The following CAPN13 variants were observed in gnomAD, a reference collection of about 807,000 sequenced individuals.
CAPN13 encodes calpain-13.
Under a neutral mutation model 98.4 loss-of-function variants are expected in CAPN13, and 90 were observed. The ratio of observed to expected loss-of-function variants is 0.92; its 90% confidence interval spans 0.77 to 1.09. The LOEUF (loss-of-function observed/expected upper bound fraction) is 1.09, where lower values mean the gene tolerates loss of function less well. CAPN13 is among the 50% of genes least tolerant of loss of function. The pLI, the probability that CAPN13 is intolerant of heterozygous loss-of-function variation, is 0.00. For missense variants in CAPN13, 887 were observed against 841.3 expected, an observed-to-expected ratio of 1.05 and a Z score of -0.67; for synonymous variants, 330 against 305.5, an observed-to-expected ratio of 1.08 and a Z score of -0.84.
intron 9 of CAPN13, among the ~76,000 whole-genome samples, chr2:30,753,594 C>A (rs1311756407): frequency 1.3e-5 from 2 of 150,890 alleles, no homozygotes; most frequent in Admixed American, 6.7e-5. Flanking sequence ...TCTTTATCAG[C>A]CTAAAATGGA....
intron 9 of CAPN13, among the ~76,000 whole-genome samples, chr2:30,753,788 G>A (rs1004506749): frequency 6.6e-6 from 1 of 152,202 alleles, no homozygotes; most frequent in East Asian, 1.9e-4. Flanking sequence ...GAATGTACAC[G>A]TCATGCTCTA....
chr2:30,770,861 G>A (rs1265812569), intron 4 of CAPN13, among the ~76,000 whole-genome samples: 1 of 152,198 alleles, frequency 6.6e-6, no homozygotes, highest in African/African-American at 2.4e-5. Context: ...CATGAGAGAG[G>A]CAGAGCCTGC....
intron 10 of CAPN13, among the ~76,000 whole-genome samples, chr2:30,752,609 C>T (rs1672229974): frequency 6.6e-6 from 1 of 152,196 alleles, no homozygotes; most frequent in Admixed American, 6.5e-5. Flanking sequence ...ATTTCCACTG[C>T]TGAGTCTTGG....
At chr2:30,739,772 A>T (rs1274914570) in intron 15 of CAPN13, among the ~76,000 whole-genome samples, 1 of 152,134 alleles carries the variant, frequency 6.6e-6, no homozygotes, top group African/African-American at 2.4e-5. Context: ...TTCATAACCA[A>T]CCAAAAGAGT....
chr2:30,780,744 G>C (rs1040722710), intron 2 of CAPN13, among the ~76,000 whole-genome samples: 1 of 152,126 alleles, frequency 6.6e-6, no homozygotes, highest in Non-Finnish European at 1.5e-5. Flanking sequence ...TGTTCCTTCC[G>C]GACTCTGGAC....
In CAPN13 at chr2:30,739,199, G is replaced by A. The variant is rs565013486; in HGVS notation, c.1537-742C>T. On this transcript the variant is annotated intron_variant, in intron 15 of 22. Transcript: ENST00000295055. ...AGAGACATGGAGCTATTCTATATGC[G>A]GCTGTTCCTCATGTCCAGCCTGGGA... Among the ~76,000 whole-genome samples, 17 of 152,202 alleles carry A rather than the reference G, an allele frequency of 1.1e-4. No individual in the cohort carries two copies. In the East Asian group the frequency reaches 3.1e-3, roughly 28 times the overall value.
intron 1 of CAPN13, among the ~76,000 whole-genome samples, chr2:30,793,373 A>C (rs7576623): frequency 0.58 from 88,003 of 151,216 alleles, 26,135 homozygotes; most frequent in Middle Eastern, 0.67. Context: ...GGGAAAAAAT[A>C]TAACATTAAA....
chr2:30,756,780 G>A (rs915668605), intron 8 of CAPN13, among the ~76,000 whole-genome samples: 1 of 152,320 alleles, frequency 6.6e-6, no homozygotes, highest in African/African-American at 2.4e-5. Flanking sequence ...GAGGAGAAAC[G>A]GGGGCAGGGA....
At chr2:30,762,151 A>C (rs1572837021) in intron 7 of CAPN13, among the ~76,000 whole-genome samples, 1 of 152,352 alleles carries the variant, frequency 6.6e-6, no homozygotes, top group East Asian at 1.9e-4. Context: ...CAGAGTGTCC[A>C]GGCCAGCTGT....
At chr2:30,800,136 G>GA (rs771158037) in intron 1 of CAPN13, among the ~76,000 whole-genome samples, 16 of 144,536 alleles carry the variant, frequency 1.1e-4, no homozygotes, top group African/African-American at 3.4e-4. Flanking sequence ...AAGAAAGAAA[G>GA]AAAGAAAGAA....
chr2:30,794,789 C>T (rs2148093790), intron 1 of CAPN13, among the ~76,000 whole-genome samples: 1 of 151,972 alleles, frequency 6.6e-6, no homozygotes, highest in East Asian at 1.9e-4. Context: ...AAGTAGAATA[C>T]ATATTATATG....
chr2:30,736,373 T>G (rs1671364880), intron 18 of CAPN13, 130 bp downstream of exon 18: 1 of 849,634 alleles, frequency 1.2e-6, no homozygotes, highest in Non-Finnish European at 1.9e-6. Context: ...ACATGTGAGC[T>G]CTCCTTGAGG....
At position 30,758,127 on chromosome 2, in the gene CAPN13, C is replaced by T. The variant is rs771573266; in HGVS notation, c.785G>A (p.Arg262Gln). 2.2e-5 allele frequency: 36 copies of T among 1,601,716 alleles called. No homozygotes were observed. The African/African-American group carries it at 2.6e-4, about 11-fold the overall frequency. ...GGAGATAATTTCTTCCCAGCCCCTT[C>T]GGTATTGAATCTGTAAAGAAAACAG... Reference protein sequence around the residue: ...TVTGAEQIQYRRGWEEIISLW... With the variant: ...TVTGAEQIQYQRGWEEIISLW... The change falls in exon 8 of 23, where the codon CGA (arginine) becomes CAA (glutamine). Residue 262 changes from arginine to glutamine, a missense_variant. Coordinates refer to ENST00000295055, the MANE Select transcript of CAPN13 (RefSeq NM_144575.3).
chr2:30,770,383 AT>A lies in CAPN13; in HGVS notation c.453del (p.Lys151AsnfsTer49). On this transcript the variant is annotated frameshift_variant, in exon 5 of 23. Coordinates refer to ENST00000295055, the MANE Select transcript of CAPN13 (RefSeq NM_144575.3). LOFTEE classifies it high-confidence loss of function. ...IDDRLPVQGD[K>X]CLFVRPRHQN... is the part of the protein sequence containing the mutation. Reference sequence around the variant, plus strand: ...TGGTGGCGAGGACGCACAAAGAGGCATTTATCTCCCTGGACAGGTAGGCGGT... The same window carrying A: ...TGGTGGCGAGGACGCACAAAGAGGCATTATCTCCCTGGACAGGTAGGCGGT... The A allele has an allele frequency of 6.2e-7, 1 of 1,613,994 alleles. No individual in the cohort carries two copies. Among genetic ancestry groups the A allele is most frequent in the Non-Finnish European group, 8.5e-7 (1 of 1,179,882 alleles).
At chr2:30,726,932 C>T (rs1225897726) in intron 22 of CAPN13, among the ~76,000 whole-genome samples, 1 of 152,118 alleles carries the variant, frequency 6.6e-6, no homozygotes, top group African/African-American at 2.4e-5. Flanking sequence ...CTCACACTTC[C>T]TAATTTCAAA....
rs1675691700 is a variant in CAPN13, at chr2:30,807,396, A to C, written c.-127T>G. 1 of 152,584 alleles carries C rather than the reference A, an allele frequency of 6.6e-6. No homozygotes were observed. The highest frequency in any genetic ancestry group is 1.5e-5 in the Non-Finnish European group (1 of 68,410). 9.5% of individuals were successfully genotyped at this position (152,584 alleles called of 1,614,324 possible). A position where few individuals can be genotyped will look rare whatever the true frequency, so the allele number is the denominator to read the frequency against. Reference sequence around the variant, plus strand: ...GAGTGGTGGAGGAGACTGGCAGAGGAGGAGAGCATGGCCGGCCGTCTTGGA... The same window carrying C: ...GAGTGGTGGAGGAGACTGGCAGAGGCGGAGAGCATGGCCGGCCGTCTTGGA... On this transcript the variant is annotated 5_prime_UTR_variant, in exon 1 of 23. Transcript: ENST00000295055.
At chr2:30,805,497 A>G (rs1401591133) in intron 1 of CAPN13, among the ~76,000 whole-genome samples, 1 of 152,220 alleles carries the variant, frequency 6.6e-6, no homozygotes, top group Non-Finnish European at 1.5e-5. Context: ...AATAATGTCA[A>G]CAATAATGAC....
At chr2:30,747,215 T>C (rs942001888) in intron 11 of CAPN13, among the ~76,000 whole-genome samples, 11 of 152,212 alleles carry the variant, frequency 7.2e-5, no homozygotes, top group African/African-American at 2.7e-4. Context: ...ATGTAATGTG[T>C]TGGATATTCA....
At chr2:30,760,641 G>A (rs1301389116) in intron 7 of CAPN13, among the ~76,000 whole-genome samples, 1 of 152,182 alleles carries the variant, frequency 6.6e-6, no homozygotes, top group Admixed American at 6.5e-5. Context: ...CCACATTTAT[G>A]GGCTGGTTTA....
Sources: gnomAD v4.1 joint callset for allele counts (sites outside exome capture counted in the v4.1 genomes callset) on GRCh38, gnomAD v4.1.1 for gene constraint, MANE v1.5 for transcripts, NCBI Gene and HGNC (gene_info 2026-07-23, HGNC 2026-07-21) for gene names.